The following ENAH variants were observed in gnomAD, a reference collection of about 807,000 sequenced individuals.
ENAH encodes ENAH actin regulator, also known as protein enabled homolog.
A neutral mutation model predicts 78.7 loss-of-function variants in ENAH; 23 were observed. The ratio of observed to expected loss-of-function variants is 0.29; its 90% CI spans 0.21 to 0.41. The LOEUF is 0.41. ENAH is among the 10% of genes least tolerant of loss of function. The pLI is 1.00. For synonymous variants in ENAH, 226 were observed against 241.0 expected (o/e 0.94, Z 0.58); for missense variants, 544 against 691.0 (o/e 0.79, Z 2.39).
At chr1:225,518,361 G>GT (rs932560384) in intron 5 of ENAH, among the ~76,000 whole-genome samples, 6 of 151,950 alleles carry the variant, frequency 3.9e-5, no homozygotes, top group Non-Finnish European at 8.8e-5. Context: ...AAATTTAGTT[G>GT]TTTTTTTAAA....
intron 1 of ENAH, among the ~76,000 whole-genome samples, chr1:225,578,461 C>T (rs528192428): frequency 6.6e-5 from 10 of 152,012 alleles, no homozygotes; most frequent in Non-Finnish European, 1.5e-4. Flanking sequence ...GGCGACAGAG[C>T]GAGACACTCT....
chr1:225,609,105 T>C (rs1018311869), intron 1 of ENAH, among the ~76,000 whole-genome samples: 1 of 151,450 alleles, frequency 6.6e-6, no homozygotes, highest in African/African-American at 2.4e-5. Flanking sequence ...CCCATGAAAA[T>C]GGTAAAAATC....
chr1:225,608,814 T>G (rs1400504634), intron 1 of ENAH, among the ~76,000 whole-genome samples: 2 of 34,704 alleles, frequency 5.8e-5, no homozygotes, highest in South Asian at 2.0e-3. Context: ...AGACTCTGTC[T>G]CAAAAAAAAA....
At chr1:225,532,054 GAAATT>G (rs780137960) in intron 3 of ENAH, among the ~76,000 whole-genome samples, 1 of 151,718 alleles carries the variant, frequency 6.6e-6, no homozygotes, top group African/African-American at 2.4e-5. Context: ...CAAAACTTTT[GAAATT>G]AAATACACAC....
intron 3 of ENAH, among the ~76,000 whole-genome samples, chr1:225,538,340 A>C (rs1450429939): frequency 6.6e-6 from 1 of 152,098 alleles, no homozygotes; most frequent in Non-Finnish European, 1.5e-5. Context: ...AAAAGTTACC[A>C]CATTGCAGGG....
chr1:225,525,650 T>G (rs1450494734), intron 4 of ENAH, among the ~76,000 whole-genome samples: 1 of 152,210 alleles, frequency 6.6e-6, no homozygotes, highest in Non-Finnish European at 1.5e-5. Flanking sequence ...ATTCCTTGTC[T>G]CCTGGATGCT....
At chr1:225,518,027 A>G in intron 5 of ENAH, 1 of 1,502,430 alleles carries the variant, frequency 6.7e-7, no homozygotes, top group Non-Finnish European at 8.9e-7. Flanking sequence ...AAAAGACAGG[A>G]TAAAAAAGGA....
chr1:225,529,227 G>A (rs1356148175), intron 4 of ENAH, among the ~76,000 whole-genome samples: 1 of 152,162 alleles, frequency 6.6e-6, no homozygotes, highest in Non-Finnish European at 1.5e-5. Context: ...TAGCCTGCAA[G>A]GTCCTGCATG....
At chr1:225,518,924 C>A in intron 5 of ENAH, 1 of 437,256 alleles carries the variant, frequency 2.3e-6, no homozygotes, top group Non-Finnish European at 4.0e-6. Flanking sequence ...AACACACTTA[C>A]ACTTTATAGC....
At chr1:225,597,642 T>G (rs1257132909) in intron 1 of ENAH, among the ~76,000 whole-genome samples, 1 of 117,988 alleles carries the variant, frequency 8.5e-6, no homozygotes, top group East Asian at 2.3e-4. Flanking sequence ...TGGGCGACAG[T>G]GCAAGAGCAT....
chr1:225,626,988 C>A (rs192502132), intron 1 of ENAH, among the ~76,000 whole-genome samples: 1 of 152,112 alleles, frequency 6.6e-6, no homozygotes, highest in Non-Finnish European at 1.5e-5. Context: ...GAGAAAAACA[C>A]ACAAATAAAA....
At chr1:225,572,373 G>A (rs2096767425) in intron 1 of ENAH, among the ~76,000 whole-genome samples, 1 of 152,114 alleles carries the variant, frequency 6.6e-6, no homozygotes, top group South Asian at 2.1e-4. Context: ...TGACAGGTAT[G>A]CGATGGGGCG....
intron 1 of ENAH, among the ~76,000 whole-genome samples, chr1:225,622,100 G>A (rs906317088): frequency 6.6e-6 from 1 of 152,200 alleles, no homozygotes. Flanking sequence ...TTAAGACCAT[G>A]TAACAACATG....
At chr1:225,559,431 CCTT>C (rs1255463407) in intron 2 of ENAH, among the ~76,000 whole-genome samples, 2 of 152,096 alleles carry the variant, frequency 1.3e-5, no homozygotes, top group East Asian at 3.8e-4. Flanking sequence ...ATTGTTCAAA[CCTT>C]CTATACATTC....
intron 4 of ENAH, chr1:225,524,531 G>A (rs2096490944): frequency 1.2e-6 from 1 of 848,366 alleles, no homozygotes; most frequent in Non-Finnish European, 1.4e-6. Flanking sequence ...AATAAAAAAT[G>A]GATAAAATGT....
chr1:225,555,151 T>C, intron 2 of ENAH, 68 bp from the exon 3 acceptor site: 2 of 1,324,046 alleles, frequency 1.5e-6, no homozygotes, highest in Non-Finnish European at 1.0e-6. Context: ...CAACAAATGC[T>C]GATTGTATAT....
rs750638145 is a variant in ENAH, at chr1:225,514,636, G to A, written c.1178C>T (p.Ala393Val). ...AAGTTTTGCTCCGGCAATTGCAGCT[G>A]CAAGTCCAGTTAAAGGGCGATTGTC... Reference protein sequence around the residue: ...SEDNRPLTGLAAAIAGAKLRK... With the variant: ...SEDNRPLTGLVAAIAGAKLRK... The change falls in exon 7 of 14, where the codon GCA becomes GTA. Residue 393 changes from alanine (A) to valine (V), a missense_variant. Ala to Val is a moderately conservative substitution (Grantham distance 64). This residue lies in a region of ENAH where 366 missense variants were observed against 396.1 expected (regional missense o/e 0.92). Coordinates refer to ENST00000366843, the MANE Select transcript of ENAH (RefSeq NM_018212.6). 1.9e-6 allele frequency: 3 copies of A among 1,612,136 alleles called. No individual in the cohort carries two copies. The Admixed American group carries it at 5.0e-5, about 27-fold the overall frequency.
chr1:225,609,597 A>G (rs1332817878), intron 1 of ENAH, among the ~76,000 whole-genome samples: 1 of 150,200 alleles, frequency 6.7e-6, no homozygotes, highest in Non-Finnish European at 1.5e-5. Flanking sequence ...CCAAAGAAAT[A>G]TGTCAGTTGA....
chr1:225,638,197 T>C (rs1286890976), intron 1 of ENAH, among the ~76,000 whole-genome samples: 2 of 152,116 alleles, frequency 1.3e-5, no homozygotes, highest in African/African-American at 4.8e-5. Flanking sequence ...TCTATTAAAC[T>C]TGACTAACCC....
Sources: gnomAD v4.1 joint callset for allele counts (sites outside exome capture counted in the v4.1 genomes callset) on GRCh38, gnomAD v4.1.1 for gene constraint, gnomAD v4.1.1 regional missense constraint, MANE v1.5 for transcripts, NCBI Gene and HGNC (gene_info 2026-07-23, HGNC 2026-07-21) for gene names.